Variants in SEMA4B observed in about 807,000 individuals in gnomAD.
SEMA4B encodes semaphorin-4B.
A neutral mutation model predicts 88.1 loss-of-function variants in SEMA4B; 55 were observed. That is an observed-to-expected ratio of 0.62 (90% CI 0.50 to 0.78). The LOEUF (loss-of-function observed/expected upper bound fraction) is 0.78. Among genes scored for constraint, SEMA4B ranks in the 30% least tolerant of loss-of-function variants. The probability of loss-of-function intolerance (pLI) is 0.00; values close to 1 mark genes in which losing one functional copy is unlikely to be tolerated. For missense variants in SEMA4B, 1,062 were observed against 1,111.9 expected (o/e 0.96, Z 0.64); for synonymous variants, 525 against 473.6 (o/e 1.11, Z -1.41).
At chr15:90,210,308 G>A (rs956418003) in intron 1 of SEMA4B, among the ~76,000 whole-genome samples, 3 of 152,140 alleles carry the variant, frequency 2.0e-5, no homozygotes, top group African/African-American at 7.2e-5. Context: ...TGGTGTGTTG[G>A]AGGAAGATCT....
At chr15:90,225,940 C>T in intron 12 of SEMA4B, 113 bp downstream of exon 12, 1 of 792,570 alleles carries the variant, frequency 1.3e-6, no homozygotes, top group Non-Finnish European at 1.8e-6. Context: ...TGTCCACTGT[C>T]TCAGCATAAT....
chr15:90,203,835 G>A (rs932114547), intron 1 of SEMA4B, among the ~76,000 whole-genome samples: 10 of 152,176 alleles, frequency 6.6e-5, no homozygotes, highest in Non-Finnish European at 1.5e-4. Context: ...AGGTCTGCCC[G>A]GAGTGGCCCA....
At chr15:90,206,983 C>A in intron 1 of SEMA4B, 2 of 494,230 alleles carry the variant, frequency 4.0e-6, no homozygotes, top group South Asian at 1.9e-5. Flanking sequence ...ATATCTTTGG[C>A]TCACAAAAAA....
At position 90,220,952 on chromosome 15, in the gene SEMA4B, C is replaced by T. The variant is rs746816644; in HGVS notation, c.484-30C>T. ...GCCTGCTCCTCATTCCCTGGAGTGCCCCTGAGCCCATGTGTCCACCCTCCT... is the reference window on the plus strand; with the variant it reads ...GCCTGCTCCTCATTCCCTGGAGTGCTCCTGAGCCCATGTGTCCACCCTCCT... On this transcript the variant is annotated intron_variant, in intron 4 of 13. Coordinates refer to ENST00000411539, the MANE Select transcript of SEMA4B (RefSeq NM_198925.4). 5 of 1,448,338 alleles carry T rather than the reference C, an allele frequency of 3.5e-6. No individual in the cohort carries two copies. In the Admixed American group the frequency reaches 7.5e-5, roughly 22 times the overall value. 89.7% of individuals were successfully genotyped at this position (1,448,338 alleles called of 1,614,324 possible).
chr15:90,224,430 C>T (rs1290844890), intron 9 of SEMA4B, among the ~76,000 whole-genome samples: 1 of 152,106 alleles, frequency 6.6e-6, no homozygotes. Context: ...GGAGGTGATG[C>T]CAGGAAGCAG....
chr15:90,204,845 C>T (rs142096482), intron 1 of SEMA4B, among the ~76,000 whole-genome samples: 1,836 of 152,194 alleles, frequency 0.012, 36 homozygotes, highest in African/African-American at 0.042. Context: ...ATGCCATCTC[C>T]GCTCACTGCA....
chr15:90,228,480 A>T lies in SEMA4B; in HGVS notation c.2351A>T (p.His784Leu). 4 of 1,609,956 alleles carry T rather than the reference A, an allele frequency of 2.5e-6. No homozygotes were observed. The highest frequency in any genetic ancestry group is 1.7e-6 in the Non-Finnish European group (2 of 1,178,830). The change falls in exon 14 of 14, where the codon CAC becomes CTC. Residue 784 changes from histidine (H) to leucine (L), a missense_variant. By Grantham distance (99) the His-to-Leu change is moderately conservative. Transcript: ENST00000411539. ...GGGCCCCCTAGCACCCCGCTCGATCACCGAGGGTACCAGTCCCTGTCAGAC... is the reference window on the plus strand; with the variant it reads ...GGGCCCCCTAGCACCCCGCTCGATCTCCGAGGGTACCAGTCCCTGTCAGAC... ...GLGPPSTPLDHRGYQSLSDSP... is the reference protein window; with the variant it reads ...GLGPPSTPLDLRGYQSLSDSP...
chr15:90,188,496 C>T lies in SEMA4B; in HGVS notation c.-122+3415C>T, dbSNP rs578057306. Among the ~76,000 whole-genome samples, 46 of 150,912 alleles carry T rather than the reference C, an allele frequency of 3.0e-4. 1 individual carries two copies. Among genetic ancestry groups the T allele is most frequent in the South Asian group, 2.1e-3 (10 of 4,704 alleles). On this transcript the variant is annotated intron_variant, in intron 1 of 14. Transcript: ENST00000332496. ...TACAAAAATTAGCCAGGCATGGTGG[C>T]GCATGCCTGTAATCCCAGCTACCCG...
At chr15:90,186,735 C>T (rs931451147) in intron 1 of SEMA4B, among the ~76,000 whole-genome samples, 1 of 152,138 alleles carries the variant, frequency 6.6e-6, no homozygotes, top group African/African-American at 2.4e-5. Context: ...AGATCAAGAC[C>T]ATCCTGGCTA....
chr15:90,195,294 G>T (rs1960466070), intron 1 of SEMA4B, among the ~76,000 whole-genome samples: 1 of 152,046 alleles, frequency 6.6e-6, no homozygotes, highest in African/African-American at 2.4e-5. Context: ...GTTTCACCCT[G>T]TTGCCCAGGA....
intron 7 of SEMA4B, among the ~76,000 whole-genome samples, chr15:90,223,161 T>TTTCACCATGTTGGTCAGG (rs1961952018): frequency 6.6e-6 from 1 of 151,748 alleles, no homozygotes; most frequent in Non-Finnish European, 1.5e-5. Context: ...AGAGACAGGG[T>TTTCACCATGTTGGTCAGG]CTCAAACTCC....
At position 90,217,767 on chromosome 15, in the gene SEMA4B, C is replaced by A; in HGVS notation, c.322C>A (p.Leu108Met). The A allele has an allele frequency of 6.2e-7, 1 of 1,613,410 alleles. No individual in the cohort carries two copies. Among genetic ancestry groups the A allele is most frequent in the South Asian group, 1.1e-5 (1 of 90,990 alleles). ...SFLPGGEYQE[L>M]LWGADAEKKQ... ...TACCTTCCCCTTTCTCATTCCCCAG[C>A]TGCTTTGGGGTGCAGACGCAGAGAA... Residue 108 changes from leucine to methionine, a missense_variant and splice_region_variant, in exon 3 of 14, where the codon CTG (leucine) becomes ATG (methionine). Physicochemically the swap from Leu to Met is conservative, Grantham distance 15. Coordinates refer to ENST00000411539, the MANE Select transcript of SEMA4B (RefSeq NM_198925.4).
intron 1 of SEMA4B, among the ~76,000 whole-genome samples, chr15:90,203,760 C>G (rs75930187): frequency 0.082 from 12,491 of 152,164 alleles, 1,652 homozygotes; most frequent in African/African-American, 0.28. Context: ...AAATGCAGTC[C>G]ACACTCAGCT....
At chr15:90,206,924 A>C in intron 1 of SEMA4B, 3 of 658,746 alleles carry the variant, frequency 4.6e-6, no homozygotes, top group Non-Finnish European at 5.5e-6. Flanking sequence ...AAGGAGTCTC[A>C]GGCCAAGCAT....
chr15:90,228,803 T>A lies in SEMA4B; in HGVS notation c.*160T>A. On this transcript the variant is annotated 3_prime_UTR_variant, in exon 14 of 14. Coordinates refer to ENST00000411539, the MANE Select transcript of SEMA4B (RefSeq NM_198925.4). ...GCTGGCCTGCTGCTCTCCAGTCAAG[T>A]AGCGAAGCTCCTACCACCCAGACAC... is the stretch of plus-strand genomic sequence containing the variant. 3.1e-6 allele frequency: 3 copies of A among 954,764 alleles called. No individual in the cohort carries two copies. Among genetic ancestry groups the A allele is most frequent in the South Asian group, 1.7e-5 (1 of 58,534 alleles). The allele number at this position is 954,764 out of a possible 1,614,324, so 59.1% of individuals were successfully genotyped here.
intron 1 of SEMA4B, among the ~76,000 whole-genome samples, chr15:90,195,239 G>A (rs886514520): frequency 4.6e-5 from 7 of 151,824 alleles, no homozygotes; most frequent in African/African-American, 1.7e-4. Flanking sequence ...GACTACAGGT[G>A]CGCACCACCA....
Position 90,228,830 on chromosome 15 carries a change from C to G in SEMA4B, c.*187C>G, listed in dbSNP as rs899799132. The G allele has an allele frequency of 3.9e-6, 3 of 763,932 alleles. No homozygotes were observed. Among genetic ancestry groups the G allele is most frequent in the African/African-American group, 3.5e-5 (2 of 56,754 alleles). 47.3% of individuals were successfully genotyped at this position (763,932 alleles called of 1,614,324 possible). A position where few individuals can be genotyped will look rare whatever the true frequency, so the allele number is the denominator to read the frequency against. ...GCGAAGCTCCTACCACCCAGACACC[C>G]AAACAGCCGTGGCCCCAGAGGTCCT... On this transcript the variant is annotated 3_prime_UTR_variant, in exon 14 of 14. Transcript: ENST00000411539.
At chr15:90,224,350 C>T (rs539215803) in intron 9 of SEMA4B, among the ~76,000 whole-genome samples, 52 of 152,326 alleles carry the variant, frequency 3.4e-4, no homozygotes, top group Admixed American at 3.1e-3. Context: ...TTCTTCCTCC[C>T]TTCTAGCCTA....
chr15:90,226,326 C>CTTTTA (rs943991467), intron 12 of SEMA4B, among the ~76,000 whole-genome samples: 1 of 151,990 alleles, frequency 6.6e-6, no homozygotes, highest in Admixed American at 6.6e-5. Flanking sequence ...AACAAAAATC[C>CTTTTA]TTTTATTTTA....
Sources: gnomAD v4.1 joint callset for allele counts (sites outside exome capture counted in the v4.1 genomes callset) on GRCh38, gnomAD v4.1.1 for gene constraint, MANE v1.5 for transcripts, NCBI Gene and HGNC (gene_info 2026-07-23, HGNC 2026-07-21) for gene names.